MYO3B: variants seen among roughly 807,000 people sequenced by gnomAD.
MYO3B encodes the protein myosin IIIB.
MYO3B carries 156 observed loss-of-function variants against 174.6 expected under a neutral mutation model. That is an observed-to-expected ratio of 0.89 (90% CI 0.78 to 1.02). The LOEUF is 1.02. Among genes scored for constraint, MYO3B ranks in the 50% least tolerant of loss-of-function variants. MYO3B has a pLI of 0.00. For synonymous variants in MYO3B, 563 were observed against 569.1 expected (o/e 0.99, Z 0.15); for missense variants, 1,632 against 1,639.4 (o/e 1.00, Z 0.08).
Position 170,422,977 on chromosome 2 carries a change from C to CTTTTTTTTTTTTTTTTTTT in MYO3B, c.2650+15136_2650+15154dup, listed in dbSNP as rs34882424. On this transcript the variant is annotated intron_variant, in intron 22 of 34. Coordinates refer to ENST00000408978, the MANE Select transcript of MYO3B (RefSeq NM_138995.5). ...TTAGACCAACCATATTTCTTTCTTT[C>CTTTTTTTTTTTTTTTTTTT]TTTTTTTTTTTTTTTTTTTTTGAGA... 3.3e-4 allele frequency among the ~76,000 whole-genome samples: 29 copies of CTTTTTTTTTTTTTTTTTTT among 88,500 alleles called. 1 individual carries two copies. Among genetic ancestry groups the CTTTTTTTTTTTTTTTTTTT allele is most frequent in the Non-Finnish European group, 4.3e-4 (21 of 49,366 alleles). The allele number at this position is 88,500 out of a possible 152,430, so 58.1% of individuals were successfully genotyped here.
intron 32 of MYO3B, among the ~76,000 whole-genome samples, chr2:170,566,637 A>G (rs1326315331): frequency 6.6e-6 from 1 of 152,148 alleles, no homozygotes; most frequent in Non-Finnish European, 1.5e-5. Context: ...CACTAAGTTT[A>G]TTAAAATATT....
intron 32 of MYO3B, among the ~76,000 whole-genome samples, chr2:170,629,020 C>G (rs1245189419): frequency 6.6e-6 from 1 of 152,142 alleles, no homozygotes; most frequent in Non-Finnish European, 1.5e-5. Context: ...GTGAGCCCAA[C>G]CGAAGAACGT....
intron 22 of MYO3B, chr2:170,411,953 G>A (rs1441449980): frequency 6.6e-6 from 1 of 152,208 alleles, no homozygotes; most frequent in African/African-American, 2.4e-5. Flanking sequence ...TGCTTATGCA[G>A]CCAGCCTTTT....
chr2:170,575,257 G>A (rs375758055), intron 32 of MYO3B, among the ~76,000 whole-genome samples: 9 of 152,070 alleles, frequency 5.9e-5, no homozygotes, highest in East Asian at 1.9e-4. Context: ...GAAAGAAGTC[G>A]AAAATAAAGT....
chr2:170,352,505 C>T (rs1038038298), intron 8 of MYO3B, among the ~76,000 whole-genome samples: 4 of 152,086 alleles, frequency 2.6e-5, no homozygotes, highest in Admixed American at 2.6e-4. Context: ...TATGACCATG[C>T]TTTTGAATTA....
At chr2:170,190,978 T>C (rs140210412) in intron 1 of MYO3B, among the ~76,000 whole-genome samples, 6 of 152,082 alleles carry the variant, frequency 3.9e-5, no homozygotes, top group African/African-American at 7.2e-5. Context: ...TGTCTTTGAA[T>C]CTTACCCAAG....
chr2:170,321,006 T>C (rs1367323982), intron 7 of MYO3B, among the ~76,000 whole-genome samples: 2 of 152,212 alleles, frequency 1.3e-5, no homozygotes, highest in Non-Finnish European at 2.9e-5. Context: ...TAAGATCACT[T>C]GGGTCCAGCA....
chr2:170,375,740 C>CACAT (rs1348871927), intron 9 of MYO3B, among the ~76,000 whole-genome samples: 2 of 151,492 alleles, frequency 1.3e-5, no homozygotes, highest in Non-Finnish European at 2.9e-5. Context: ...CACACACACA[C>CACAT]ACACAGAGCA....
intron 7 of MYO3B, among the ~76,000 whole-genome samples, chr2:170,258,038 G>A (rs1313806119): frequency 2.0e-5 from 3 of 152,032 alleles, no homozygotes; most frequent in Non-Finnish European, 4.4e-5. Flanking sequence ...ACCCTAAACA[G>A]ATCAATAACA....
At chr2:170,314,254 G>A (rs1333846816) in intron 7 of MYO3B, among the ~76,000 whole-genome samples, 1 of 152,106 alleles carries the variant, frequency 6.6e-6, no homozygotes, top group Non-Finnish European at 1.5e-5. Context: ...CCTGTATGAG[G>A]GCAAAATAGG....
At chr2:170,578,252 T>C (rs1692917625) in intron 32 of MYO3B, among the ~76,000 whole-genome samples, 1 of 152,360 alleles carries the variant, frequency 6.6e-6, no homozygotes, top group East Asian at 1.9e-4. Flanking sequence ...GGGGTCGTGA[T>C]GTCTGGAGAC....
At chr2:170,444,294 G>A (rs926844477) in intron 23 of MYO3B, among the ~76,000 whole-genome samples, 2 of 152,174 alleles carry the variant, frequency 1.3e-5, no homozygotes, top group Non-Finnish European at 2.9e-5. Context: ...TCTAAGAAAA[G>A]ATAAAGCATT....
At position 170,293,760 on chromosome 2, in the gene MYO3B, C is replaced by T. The variant is rs185776652; in HGVS notation, c.750-41625C>T. ...CTCCCCTGATTGAAAGGAAATTTCC[C>T]TTTCTTTAGAGTTTTAGCTGACAGT... On this transcript the variant is annotated intron_variant, in intron 7 of 34. Coordinates refer to ENST00000408978, the MANE Select transcript of MYO3B (RefSeq NM_138995.5). 2.6e-5 allele frequency among the ~76,000 whole-genome samples: 4 copies of T among 152,036 alleles called. No homozygotes were observed. The South Asian group carries it at 8.3e-4, about 32-fold the overall frequency.
chr2:170,499,729 T>TA lies in MYO3B; in HGVS notation c.3211dup (p.Thr1071AsnfsTer32), dbSNP rs1559059962. ...GCAGAGTGGTTGTGCTGCAGGCATATACCAAGGGGTGGCTTGGAGCCAGGA... is the reference window on the plus strand; with the variant it reads ...GCAGAGTGGTTGTGCTGCAGGCATATAACCAAGGGGTGGCTTGGAGCCAGGA... On this transcript the variant is annotated frameshift_variant, in exon 27 of 35. Transcript: ENST00000408978. LOFTEE classifies it high-confidence loss of function. The TA allele has an allele frequency of 3.7e-6, 6 of 1,613,954 alleles. No homozygotes were observed. Among genetic ancestry groups the TA allele is most frequent in the Non-Finnish European group, 5.1e-6 (6 of 1,179,986 alleles).
intron 22 of MYO3B, among the ~76,000 whole-genome samples, chr2:170,438,522 A>C (rs913198368): frequency 2.6e-5 from 4 of 152,160 alleles, no homozygotes; most frequent in African/African-American, 9.7e-5. Flanking sequence ...TTTCCATAGC[A>C]GCTGCACCAT....
At chr2:170,210,377 T>C (rs2092757377) in intron 3 of MYO3B, among the ~76,000 whole-genome samples, 1 of 152,244 alleles carries the variant, frequency 6.6e-6, no homozygotes, top group South Asian at 2.1e-4. Context: ...TGCCTTCTTG[T>C]AATCTTTTAC....
chr2:170,513,949 T>C (rs1399674718), intron 28 of MYO3B, among the ~76,000 whole-genome samples: 1 of 152,092 alleles, frequency 6.6e-6, no homozygotes, highest in Non-Finnish European at 1.5e-5. Flanking sequence ...TATTCTAATG[T>C]GGTATATTTG....
At chr2:170,629,167 A>T (rs975625275) in intron 32 of MYO3B, among the ~76,000 whole-genome samples, 4 of 152,222 alleles carry the variant, frequency 2.6e-5, no homozygotes, top group African/African-American at 9.6e-5. Context: ...ATGGGCATAA[A>T]CTGTCAAAAG....
chr2:170,308,277 G>A (rs139315543), intron 7 of MYO3B, among the ~76,000 whole-genome samples: 105 of 152,296 alleles, frequency 6.9e-4, no homozygotes, highest in African/African-American at 2.3e-3. Flanking sequence ...TGTAGGCAGC[G>A]CCCTTTGGAG....
Sources: gnomAD v4.1 joint callset for allele counts (sites outside exome capture counted in the v4.1 genomes callset) on GRCh38, gnomAD v4.1.1 for gene constraint, MANE v1.5 for transcripts, NCBI Gene and HGNC (gene_info 2026-07-23, HGNC 2026-07-21) for gene names.